KDM4B: variants seen among roughly 807,000 people sequenced by gnomAD.
KDM4B encodes the protein lysine demethylase 4B, also known as lysine-specific demethylase 4B.
Under a neutral mutation model 125.2 loss-of-function variants are expected in KDM4B, and 32 were observed. The observed-to-expected ratio is 0.26, with a 90% CI of 0.19 to 0.34. The LOEUF (loss-of-function observed/expected upper bound fraction) is 0.34. Among genes scored for constraint, KDM4B ranks in the 10% least tolerant of loss-of-function variants. KDM4B has a pLI of 1.00. For synonymous variants in KDM4B, 721 were observed against 677.9 expected, an observed-to-expected ratio of 1.06 and a Z score of -0.99; for missense variants, 1,190 against 1,577.7, an observed-to-expected ratio of 0.75 and a Z score of 4.16.
chr19:5,111,292 G>A (rs1276996439), intron 10 of KDM4B: 4 of 710,874 alleles, frequency 5.6e-6, no homozygotes, highest in Non-Finnish European at 2.6e-6. Flanking sequence ...GCATCAGGTG[G>A]GGCTGCTTGG....
chr19:5,060,646 G>T (rs923730806), intron 6 of KDM4B, among the ~76,000 whole-genome samples: 105 of 152,092 alleles, frequency 6.9e-4, no homozygotes, highest in African/African-American at 2.4e-3. Context: ...CATGGTGGGG[G>T]CTGCCTCCTG....
Position 5,082,936 on chromosome 19 carries a change from G to A in KDM4B, c.918+432G>A, listed in dbSNP as rs143515513. On this transcript the variant is annotated intron_variant, in intron 9 of 22. Transcript: ENST00000159111. The surrounding 1 kb of genome is among the most constrained non-coding windows in gnomAD (Gnocchi z 5.4). ...TGCTGACATCTCTCTCCTGGGGGCC[G>A]CTTGGCCAGGCAGGAGCCCACTCAG... is the stretch of plus-strand genomic sequence containing the variant. Among the ~76,000 whole-genome samples, 260 of 152,274 alleles carry A rather than the reference G, an allele frequency of 1.7e-3. No homozygotes were observed. The highest frequency in any genetic ancestry group is 3.2e-3 in the Non-Finnish European group (220 of 68,020).
intron 2 of KDM4B, among the ~76,000 whole-genome samples, chr19:5,028,445 A>G (rs533519710): frequency 7.2e-5 from 11 of 152,276 alleles, no homozygotes; most frequent in African/African-American, 2.2e-4. Flanking sequence ...ATTCCACCGC[A>G]TGGATGGGCC....
chr19:5,090,209 G>A (rs2038645477), intron 9 of KDM4B, among the ~76,000 whole-genome samples: 1 of 152,136 alleles, frequency 6.6e-6, no homozygotes, highest in African/African-American at 2.4e-5. Flanking sequence ...AGGTGAGAGT[G>A]CAGAGGACAG....
At chr19:5,002,756 T>TG (rs2035431396) in intron 1 of KDM4B, among the ~76,000 whole-genome samples, 1 of 151,986 alleles carries the variant, frequency 6.6e-6, no homozygotes, top group African/African-American at 2.4e-5. Context: ...GAGACCAGCC[T>TG]GGGCAACATG....
intron 1 of KDM4B, among the ~76,000 whole-genome samples, chr19:4,976,203 C>CA (rs2034439092): frequency 6.8e-6 from 1 of 146,770 alleles, no homozygotes; most frequent in Non-Finnish European, 1.5e-5. Context: ...GAGCTGAGAT[C>CA]ACGTCACTGC....
At position 5,135,590 on chromosome 19, in the gene KDM4B, C is replaced by A. The variant is rs964812589; in HGVS notation, c.2308+29C>A. On this transcript the variant is annotated intron_variant, in intron 15 of 22. Coordinates refer to ENST00000159111, the MANE Select transcript of KDM4B (RefSeq NM_015015.3). ...AGTGCCACTGTGGGGCCCAGAGGAG[C>A]TGCGCCCTCCTTCAGGGTGTTGGTG... The A allele has an allele frequency of 4.6e-6, 7 of 1,536,932 alleles. No homozygotes were observed. The African/African-American group carries it at 8.2e-5, about 18-fold the overall frequency.
At chr19:5,067,518 C>A (rs887251564) in intron 6 of KDM4B, among the ~76,000 whole-genome samples, 1 of 152,112 alleles carries the variant, frequency 6.6e-6, no homozygotes, top group Non-Finnish European at 1.5e-5. Context: ...GCCTCCAGGG[C>A]TCTAGAGGGT....
At position 5,152,513 on chromosome 19, in the gene KDM4B, A is replaced by T. The variant is rs936706706; in HGVS notation, c.*1002A>T. 3 of 152,168 alleles carry T rather than the reference A, an allele frequency of 2.0e-5. No individual in the cohort carries two copies. Among genetic ancestry groups the T allele is most frequent in the Non-Finnish European group, 4.4e-5 (3 of 68,100 alleles). 9.4% of individuals were successfully genotyped at this position (152,168 alleles called of 1,614,324 possible). On this transcript the variant is annotated 3_prime_UTR_variant, in exon 23 of 23. Coordinates refer to ENST00000159111, the MANE Select transcript of KDM4B (RefSeq NM_015015.3). ...ACAGCTTCCCAGCTCTTCGGGTACA[A>T]CCCTGAGCAGGTCGGGGGACACAGG...
chr19:4,988,436 C>T (rs922783552), intron 1 of KDM4B, among the ~76,000 whole-genome samples: 5 of 152,172 alleles, frequency 3.3e-5, no homozygotes, highest in African/African-American at 7.2e-5. Context: ...CCACCACGCC[C>T]GGCTAATTTT....
At chr19:5,136,404 C>T (rs1055980727) in intron 15 of KDM4B, among the ~76,000 whole-genome samples, 5 of 152,178 alleles carry the variant, frequency 3.3e-5, no homozygotes, top group African/African-American at 4.8e-5. Flanking sequence ...TCTCTGGAGA[C>T]GTTTAATTTT....
intron 2 of KDM4B, among the ~76,000 whole-genome samples, chr19:5,019,617 TG>T (rs1280171776): frequency 2.7e-5 from 4 of 146,230 alleles, no homozygotes; most frequent in Middle Eastern, 4.0e-3. Context: ...GGTGTTCGTG[TG>T]GGGGTGTTGG....
chr19:5,142,709 G>A lies in KDM4B; in HGVS notation c.2551-1258G>A, dbSNP rs966624677. ...ACTCCTACACACTGGCTACTCTGCCGGAGGGGGAGGCCGTGCTGGAGTGAT... is the reference window on the plus strand; with the variant it reads ...ACTCCTACACACTGGCTACTCTGCCAGAGGGGGAGGCCGTGCTGGAGTGAT... On this transcript the variant is annotated intron_variant, in intron 18 of 22. Coordinates refer to ENST00000159111, the MANE Select transcript of KDM4B (RefSeq NM_015015.3). The surrounding 1 kb of genome is among the most constrained non-coding windows in gnomAD (Gnocchi z 5.4). 1.3e-5 allele frequency among the ~76,000 whole-genome samples: 2 copies of A among 152,108 alleles called. No homozygotes were observed. Among genetic ancestry groups the A allele is most frequent in the Non-Finnish European group, 2.9e-5 (2 of 68,016 alleles).
At chr19:5,116,258 A>AT (rs1338863233) in intron 10 of KDM4B, among the ~76,000 whole-genome samples, 3 of 150,284 alleles carry the variant, frequency 2.0e-5, no homozygotes, top group Non-Finnish European at 4.4e-5. Flanking sequence ...AAAAAAAAAA[A>AT]AAAAATTATA....
intron 6 of KDM4B, among the ~76,000 whole-genome samples, chr19:5,062,657 A>C (rs35243012): frequency 0.075 from 10,225 of 135,606 alleles, 438 homozygotes; most frequent in Middle Eastern, 0.17. Flanking sequence ...CTTTTTGTTG[A>C]CTTTTTTTTT....
chr19:5,121,274 C>T (rs1031810124), intron 11 of KDM4B, among the ~76,000 whole-genome samples: 3 of 152,200 alleles, frequency 2.0e-5, no homozygotes, highest in Non-Finnish European at 4.4e-5. Context: ...TTGCCCCTGA[C>T]GGACCACTTA....
chr19:5,019,243 C>T (rs1165405588), intron 2 of KDM4B, among the ~76,000 whole-genome samples: 6 of 82,816 alleles, frequency 7.2e-5, no homozygotes, highest in Non-Finnish European at 1.2e-4. Flanking sequence ...TTGGTGTGCA[C>T]GTATTGGTGT....
intron 1 of KDM4B, among the ~76,000 whole-genome samples, chr19:4,972,565 C>T (rs1039953522): frequency 6.6e-6 from 1 of 152,188 alleles, no homozygotes; most frequent in African/African-American, 2.4e-5. Flanking sequence ...CACCACCCAC[C>T]AGATGCTAGT....
chr19:5,090,274 G>A (rs1242325549), intron 9 of KDM4B, among the ~76,000 whole-genome samples: 1 of 151,906 alleles, frequency 6.6e-6, no homozygotes, highest in Non-Finnish European at 1.5e-5. Context: ...TCGCCAGGCT[G>A]AGGCTTAGGG....
Sources: allele counts gnomAD v4.1 joint callset (sites outside exome capture counted in the v4.1 genomes callset), GRCh38; gene constraint gnomAD v4.1.1; non-coding constraint Gnocchi (gnomAD v3.1); transcripts MANE v1.5; gene names NCBI Gene and HGNC (gene_info 2026-07-23, HGNC 2026-07-21).